The following ATL2 variants were observed in gnomAD, a reference collection of about 807,000 sequenced individuals.
ATL2 encodes atlastin GTPase 2, also known as atlastin-2.
ATL2 carries 31 observed loss-of-function variants against 73.9 expected under a neutral mutation model. The observed-to-expected ratio is 0.42, with a 90% CI of 0.32 to 0.57. The LOEUF (loss-of-function observed/expected upper bound fraction) is 0.57, where lower values mean the gene tolerates loss of function less well. Among genes scored for constraint, ATL2 ranks in the 20% least tolerant of loss-of-function variants. The pLI is 0.14. For synonymous variants in ATL2, 291 were observed against 237.5 expected (o/e 1.23, Z -2.07); for missense variants, 738 against 702.6 (o/e 1.05, Z -0.57).
rs1669745705 is a variant in ATL2, at chr2:38,341,969, G to C, written c.363+1299C>G. Among the ~76,000 whole-genome samples, 3 of 152,306 alleles carry C rather than the reference G, an allele frequency of 2.0e-5. No individual in the cohort carries two copies. In the South Asian group the frequency reaches 6.2e-4, roughly 32 times the overall value. ...ATTTCTAATAATTCATGTGGCTTCT[G>C]AATGTCAAAAGTTCCCTATATAGCA... On this transcript the variant is annotated intron_variant, in intron 2 of 12. Transcript: ENST00000378954.
chr2:38,300,207 A>T lies in ATL2; in HGVS notation c.1128+65T>A, dbSNP rs1477483959. 4 of 1,384,314 alleles carry T rather than the reference A, an allele frequency of 2.9e-6. No individual in the cohort carries two copies. In the East Asian group the frequency reaches 9.3e-5, roughly 32 times the overall value. 85.8% of individuals were successfully genotyped at this position (1,384,314 alleles called of 1,614,324 possible). On this transcript the variant is annotated intron_variant, in intron 10 of 12. Coordinates refer to ENST00000378954, the MANE Select transcript of ATL2 (RefSeq NM_001135673.4). Reference sequence around the variant, plus strand: ...CATTTTCAGCATTTCTCTCTAAAGCAAAGATTTTTATTCTCCCTCATAAAT... The same window carrying T: ...CATTTTCAGCATTTCTCTCTAAAGCTAAGATTTTTATTCTCCCTCATAAAT...
chr2:38,300,521 C>A (rs1667130824), intron 9 of ATL2, 193 bp from the exon 10 acceptor site: 2 of 438,464 alleles, frequency 4.6e-6, no homozygotes, highest in Admixed American at 3.8e-5. Context: ...TAAATAATAT[C>A]CTAGGTATTT....
At chr2:38,350,546 A>G (rs1670279593) in intron 1 of ATL2, among the ~76,000 whole-genome samples, 1 of 152,204 alleles carries the variant, frequency 6.6e-6, no homozygotes, top group South Asian at 2.1e-4. Context: ...TTATACATCT[A>G]TGAAAAAAAC....
rs1272426852 is a variant in ATL2 at position 38,318,908 on chromosome 2, T to G, written c.475A>C (p.Ile159Leu). 6.2e-7 allele frequency: 1 copy of G among 1,613,826 alleles called. No homozygotes were observed. The highest frequency in any genetic ancestry group is 8.5e-7 in the Non-Finnish European group (1 of 1,179,922). The change falls in exon 3 of 13, where the codon ATT becomes CTT. Residue 159 changes from isoleucine to leucine, a missense_variant. Ile to Leu is a conservative substitution (Grantham distance 5). Transcript: ENST00000378954. The part of the protein sequence containing the change: ...GIQVWNEVFV[I>L]DRPNGTKVAV... The stretch of plus-strand genomic sequence containing the variant: ...ACTTTAGTTCCATTAGGTCTGTCAA[T>G]CACAAATACTTCATTCCAAACTTGT...
In ATL2 at chr2:38,309,445, T is replaced by C. The variant is rs1264409882; in HGVS notation, c.1005A>G (p.Glu335=). 1.9e-6 allele frequency: 3 copies of C among 1,612,680 alleles called. No individual in the cohort carries two copies. Among genetic ancestry groups the C allele is most frequent in the East Asian group, 4.5e-5 (2 of 44,816 alleles). The change falls in exon 9 of 13, where the codon GAA becomes GAG. Residue 335 remains glutamate, a synonymous_variant. Transcript: ENST00000378954. Reference sequence around the variant, plus strand: ...CACTTATCTCTTTTTCTACCAAATTTTCAGGGGCAAGCAGCAATGGAACCA... The same window carrying C: ...CACTTATCTCTTTTTCTACCAAATTCTCAGGGGCAAGCAGCAATGGAACCA... ...RNLVPLLLAP[E]NLVEKEISGS...
intron 1 of ATL2, among the ~76,000 whole-genome samples, chr2:38,375,312 T>G (rs1428904721): frequency 6.6e-6 from 1 of 152,230 alleles, no homozygotes; most frequent in Non-Finnish European, 1.5e-5. Flanking sequence ...TTTAACTCAT[T>G]AATGAGTGAC....
At chr2:38,367,996 G>A (rs552900634) in intron 1 of ATL2, among the ~76,000 whole-genome samples, 30 of 148,852 alleles carry the variant, frequency 2.0e-4, no homozygotes, top group Admixed American at 1.5e-3. Context: ...GTGCAGTGGC[G>A]CAATCTCGGC....
Position 38,299,247 on chromosome 2 carries a change from G to A in ATL2, c.1200+9C>T. On this transcript the variant is annotated intron_variant, in intron 11 of 12. Coordinates refer to ENST00000378954, the MANE Select transcript of ATL2 (RefSeq NM_001135673.4). ...ACTCCAGCATCAAATTTAAATTTTA[G>A]GTACAAACCTGTTCCATACTTTTAC... 2 of 1,486,442 alleles carry A rather than the reference G, an allele frequency of 1.3e-6. No individual in the cohort carries two copies. The highest frequency in any genetic ancestry group is 1.5e-5 in the South Asian group (1 of 67,682). The allele number at this position is 1,486,442 out of a possible 1,614,324, so 92.1% of individuals were successfully genotyped here.
chr2:38,296,014 C>A lies in ATL2; in HGVS notation c.1732G>T (p.Ala578Ser), dbSNP rs1273980645. The A allele has an allele frequency of 5.2e-6, 8 of 1,550,888 alleles. No individual in the cohort carries two copies. In the African/African-American group the frequency reaches 1.1e-4, roughly 21 times the overall value. The change falls in exon 13 of 13, where the codon GCC (alanine) becomes TCC (serine). Residue 578 changes from alanine to serine, a missense_variant. Ala to Ser is a moderately conservative substitution (Grantham distance 99). Transcript: ENST00000378954. ...AGLTDQVSHH[A>S]RLKTD Reference sequence around the variant, plus strand: ...AACTGTCAGTCTGTCTTTAATCTGGCATGATGAGACACCTGGTCAGTCAGG... The same window carrying A: ...AACTGTCAGTCTGTCTTTAATCTGGAATGATGAGACACCTGGTCAGTCAGG...
At position 38,315,323 on chromosome 2, in the gene ATL2, C is replaced by T. The variant is rs1667973619; in HGVS notation, c.615G>A (p.Leu205=). The change falls in exon 5 of 13, where the codon CTG becomes CTA. Residue 205 remains leucine (L), a synonymous_variant. Transcript: ENST00000378954. ...TMTSSVQVYN[L]SQNIQEDDLQ... The stretch of plus-strand genomic sequence containing the variant: ...GATCATCTTCTTGAATATTCTGAGA[C>T]AGATTATATACCTGTTGAAACAAAA... 6.7e-7 allele frequency: 1 copy of T among 1,496,978 alleles called. No individual in the cohort carries two copies. Among genetic ancestry groups the T allele is most frequent in the Non-Finnish European group, 8.8e-7 (1 of 1,133,344 alleles). 92.7% of individuals were successfully genotyped at this position (1,496,978 alleles called of 1,614,324 possible).
intron 2 of ATL2, among the ~76,000 whole-genome samples, chr2:38,327,224 T>G (rs1668712363): frequency 6.6e-6 from 1 of 150,948 alleles, no homozygotes; most frequent in Non-Finnish European, 1.5e-5. Flanking sequence ...AGAGAAAGAG[T>G]ATCAGAGAAG....
At chr2:38,334,353 GTAA>G (rs1485590626) in intron 2 of ATL2, among the ~76,000 whole-genome samples, 1 of 151,380 alleles carries the variant, frequency 6.6e-6, no homozygotes, top group East Asian at 2.0e-4. Flanking sequence ...TTATATTCAG[GTAA>G]TAATAATAAG....
intron 7 of ATL2, among the ~76,000 whole-genome samples, chr2:38,312,519 G>A (rs1667811507): frequency 6.6e-6 from 1 of 152,026 alleles, no homozygotes; most frequent in Non-Finnish European, 1.5e-5. Context: ...GACCAGCCTG[G>A]CCAACATGGT....
At chr2:38,348,972 G>T (rs1474353707) in intron 1 of ATL2, among the ~76,000 whole-genome samples, 3 of 152,034 alleles carry the variant, frequency 2.0e-5, no homozygotes, top group Non-Finnish European at 4.4e-5. Flanking sequence ...ACCACAATGA[G>T]ATACCATCTC....
chr2:38,343,797 G>A (rs1186562310), intron 1 of ATL2, among the ~76,000 whole-genome samples: 1 of 152,230 alleles, frequency 6.6e-6, no homozygotes. Context: ...GGAGGTAACT[G>A]AATCATGGGG....
Position 38,352,511 on chromosome 2 carries a change from G to A in ATL2, c.119-8999C>T, listed in dbSNP as rs146089245. Among the ~76,000 whole-genome samples, 53 of 152,288 alleles carry A rather than the reference G, an allele frequency of 3.5e-4. No homozygotes were observed. The East Asian group carries it at 8.5e-3, about 24-fold the overall frequency. ...GATTGCTAGAGCAGTAGGAATCTGT[G>A]AGGCAGGATACCAGAGAAAAAGGAT... is the stretch of plus-strand genomic sequence containing the variant. On this transcript the variant is annotated intron_variant, in intron 1 of 12. Coordinates refer to ENST00000378954, the MANE Select transcript of ATL2 (RefSeq NM_001135673.4).
At chr2:38,340,821 T>C (rs916276285) in intron 2 of ATL2, among the ~76,000 whole-genome samples, 4 of 152,196 alleles carry the variant, frequency 2.6e-5, no homozygotes, top group African/African-American at 9.6e-5. Context: ...AATAAGGTGA[T>C]TTATATCAGG....
intron 2 of ATL2, among the ~76,000 whole-genome samples, chr2:38,341,616 C>T (rs1271765064): frequency 3.3e-5 from 5 of 152,198 alleles, no homozygotes; most frequent in Non-Finnish European, 5.9e-5. Context: ...GTTCACACCA[C>T]CGCACTCCAG....
chr2:38,370,988 A>G (rs944314626), intron 1 of ATL2, among the ~76,000 whole-genome samples: 1 of 151,966 alleles, frequency 6.6e-6, no homozygotes, highest in African/African-American at 2.4e-5. Flanking sequence ...AAAAAATACA[A>G]AAAGATAAAA....
Sources: gnomAD v4.1 joint callset for allele counts (sites outside exome capture counted in the v4.1 genomes callset) on GRCh38, gnomAD v4.1.1 for gene constraint, MANE v1.5 for transcripts, NCBI Gene and HGNC (gene_info 2026-07-23, HGNC 2026-07-21) for gene names.